The following MGA variants were observed in gnomAD, a reference collection of about 807,000 sequenced individuals.
MGA encodes the protein MAX dimerization protein MGA.
Under a neutral mutation model 261.1 loss-of-function variants are expected in MGA, and 40 were observed. The observed-to-expected ratio is 0.15, with a 90% CI of 0.12 to 0.20. The LOEUF (loss-of-function observed/expected upper bound fraction) is 0.20, where lower values mean the gene tolerates loss of function less well. Ranked by LOEUF, MGA falls within the 10% of genes least tolerant of loss-of-function variation. The pLI, the probability that MGA is intolerant of heterozygous loss-of-function variation, is 1.00. For missense variants in MGA, 3,397 were observed against 3,630.5 expected (o/e 0.94, Z 1.65); for synonymous variants, 1,302 against 1,290.6 (o/e 1.01, Z -0.19).
At chr15:41,662,008 AGCG>A (rs1218898517) in intron 1 of MGA, among the ~76,000 whole-genome samples, 1 of 151,718 alleles carries the variant, frequency 6.6e-6, no homozygotes, top group African/African-American at 2.4e-5. Flanking sequence ...GCAGTTGAAA[AGCG>A]GCGGTTTGTG....
intron 1 of MGA, among the ~76,000 whole-genome samples, chr15:41,648,533 G>A (rs2056978100): frequency 6.6e-6 from 1 of 152,176 alleles, no homozygotes; most frequent in Non-Finnish European, 1.5e-5. Context: ...AGGGAGTAGG[G>A]ATAGCATTGC....
chr15:41,749,888 G>A lies in MGA; in HGVS notation c.6281G>A (p.Ser2094Asn). ...GTTAGGACCATTTCTGAAAAAGCCA[G>A]TAATAAGACAGTCCAAAATTTAAGT... is the stretch of plus-strand genomic sequence containing the variant. The change falls in exon 17 of 24, where the codon AGT becomes AAT. Residue 2094 changes from serine (S) to asparagine (N), a missense_variant. This residue lies in a region of MGA where 1,410 missense variants were observed against 1,386.4 expected (regional missense o/e 1.02). Coordinates refer to ENST00000219905, the MANE Select transcript of MGA (RefSeq NM_001164273.2). 6.2e-7 allele frequency: 1 copy of A among 1,613,956 alleles called. No individual in the cohort carries two copies. Among genetic ancestry groups the A allele is most frequent in the Non-Finnish European group, 8.5e-7 (1 of 1,179,896 alleles).
chr15:41,624,770 C>T (rs2056405055), intron 1 of MGA, among the ~76,000 whole-genome samples: 1 of 152,066 alleles, frequency 6.6e-6, no homozygotes, highest in Non-Finnish European at 1.5e-5. Context: ...GCTCCTGGCC[C>T]AAATTAAATA....
At chr15:41,648,323 T>A (rs1009583775) in intron 1 of MGA, among the ~76,000 whole-genome samples, 4 of 152,268 alleles carry the variant, frequency 2.6e-5, no homozygotes, top group African/African-American at 9.6e-5. Context: ...CCTCTCTGTT[T>A]AATCTTTAAC....
chr15:41,700,615 T>C (rs1055912755), intron 5 of MGA, among the ~76,000 whole-genome samples: 13 of 152,208 alleles, frequency 8.5e-5, no homozygotes, highest in African/African-American at 2.2e-4. Context: ...TTTATCTTTA[T>C]TTTATTGTAA....
Position 41,766,134 on chromosome 15 carries a change from G to A in MGA, c.8052G>A (p.Leu2684=), listed in dbSNP as rs2063786698. The A allele has an allele frequency of 6.2e-6, 10 of 1,614,028 alleles. No individual in the cohort carries two copies. The highest frequency in any genetic ancestry group is 8.5e-6 in the Non-Finnish European group (10 of 1,179,890). Residue 2684 remains leucine (L), a synonymous_variant, in exon 24 of 24, where the codon CTG becomes CTA. Transcript: ENST00000219905. ...CTGATAGCAAGCCATCTGACCATCT[G>A]AAAGACACCGTCAGGAATGAAGATA...
Position 41,748,922 on chromosome 15 carries a change from A to G in MGA, c.5498A>G (p.Asn1833Ser). Reference sequence around the variant, plus strand: ...AACTTACAGCCTGTCATGTTTCGGAACCCAGGTATAAAGTTCTTTTTTATG... The same window carrying G: ...AACTTACAGCCTGTCATGTTTCGGAGCCCAGGTATAAAGTTCTTTTTTATG... The change falls in exon 16 of 24, where the codon AAC (asparagine) becomes AGC (serine). Residue 1833 changes from asparagine to serine, a missense_variant. By Grantham distance (46) the Asn-to-Ser change is conservative (BLOSUM62 1). Around this residue, in one of 9 missense-constraint regions of MGA, gnomAD observed 1,410 missense variants for 1,386.4 expected, o/e 1.02. Coordinates refer to ENST00000219905, the MANE Select transcript of MGA (RefSeq NM_001164273.2). The G allele has an allele frequency of 6.2e-7, 1 of 1,613,334 alleles. No individual in the cohort carries two copies. The highest frequency in any genetic ancestry group is 8.5e-7 in the Non-Finnish European group (1 of 1,179,614).
At chr15:41,706,285 T>C (rs533922446) in intron 5 of MGA, among the ~76,000 whole-genome samples, 10 of 150,412 alleles carry the variant, frequency 6.6e-5, no homozygotes, top group South Asian at 6.3e-4. Context: ...AATAAAGATA[T>C]GTTAAAGAAC....
chr15:41,647,653 C>A (rs1282816485), intron 1 of MGA, among the ~76,000 whole-genome samples: 1 of 152,098 alleles, frequency 6.6e-6, no homozygotes, highest in South Asian at 2.1e-4. Flanking sequence ...AATGTCTGTT[C>A]TGACCATAAC....
chr15:41,768,804 TG>T lies in MGA; in HGVS notation c.*1526del, dbSNP rs1279739597. On this transcript the variant is annotated 3_prime_UTR_variant, in exon 24 of 24. Coordinates refer to ENST00000219905, the MANE Select transcript of MGA (RefSeq NM_001164273.2). The stretch of plus-strand genomic sequence containing the variant: ...CTAGGTTGTAAGACCAACTTTGGAT[TG>T]GATCTAGCCAGTGAATTATTATTTC... 1 of 152,318 alleles carries T rather than the reference TG, an allele frequency of 6.6e-6. No homozygotes were observed. Among genetic ancestry groups the T allele is most frequent in the Non-Finnish European group, 1.5e-5 (1 of 68,032 alleles). 9.4% of individuals were successfully genotyped at this position (152,318 alleles called of 1,614,324 possible).
intron 5 of MGA, among the ~76,000 whole-genome samples, chr15:41,706,326 C>CT (rs879582074): frequency 0.056 from 7,791 of 138,674 alleles, 440 homozygotes; most frequent in African/African-American, 0.14. Context: ...AAATAGCTGT[C>CT]TTTTTTTTTT....
At chr15:41,757,054 T>C (rs12591285) in intron 18 of MGA, among the ~76,000 whole-genome samples, 1 of 152,034 alleles carries the variant, frequency 6.6e-6, no homozygotes. Flanking sequence ...TGGTTACTTT[T>C]GAGAAGGAAG....
intron 1 of MGA, among the ~76,000 whole-genome samples, chr15:41,663,018 T>C (rs2057509651): frequency 6.6e-6 from 1 of 152,224 alleles, no homozygotes; most frequent in Admixed American, 6.5e-5. Flanking sequence ...CATTAATCAT[T>C]GAATTAGGAA....
intron 14 of MGA, among the ~76,000 whole-genome samples, 165 bp from the exon 15 acceptor site, chr15:41,742,381 C>G (rs923809970): frequency 6.6e-6 from 1 of 151,774 alleles, no homozygotes; most frequent in Non-Finnish European, 1.5e-5. Flanking sequence ...AAGAAAGAAA[C>G]TCCATCTTAA....
chr15:41,703,375 C>CCT (rs1555419108), intron 5 of MGA, among the ~76,000 whole-genome samples: 4 of 140,630 alleles, frequency 2.8e-5, no homozygotes, highest in South Asian at 2.6e-4. Flanking sequence ...GTTACCCCCC[C>CCT]CCCCACTCCC....
intron 5 of MGA, among the ~76,000 whole-genome samples, chr15:41,699,695 T>G (rs2059735598): frequency 6.6e-6 from 1 of 152,086 alleles, no homozygotes; most frequent in Non-Finnish European, 1.5e-5. Context: ...GTAGAGACGG[T>G]TTCACCGTGT....
chr15:41,715,882 T>C (rs1341956251), intron 9 of MGA, among the ~76,000 whole-genome samples: 2 of 152,164 alleles, frequency 1.3e-5, no homozygotes, highest in African/African-American at 4.8e-5. Context: ...TTTACTCCCT[T>C]CTTATGCTTA....
intron 22 of MGA, 51 bp downstream of exon 22, chr15:41,762,413 T>C (rs530261017): frequency 1.5e-6 from 2 of 1,319,492 alleles, no homozygotes; most frequent in East Asian, 2.4e-5. Context: ...ATCAGTTGAC[T>C]TTAGTGGACT....
At position 41,668,935 on chromosome 15, in the gene MGA, G is replaced by T; in HGVS notation, c.41G>T (p.Gly14Val). The change falls in exon 2 of 24, where the codon GGT (glycine) becomes GTT (valine). Residue 14 changes from glycine to valine, a missense_variant. Transcript: ENST00000219905. ...CAGATTATATTGGCTAATCAAGATG[G>T]TGGAACAGTGGCAGGAGCAGCACCT... is the stretch of plus-strand genomic sequence containing the variant. 1 of 1,600,210 alleles carries T rather than the reference G, an allele frequency of 6.2e-7. No homozygotes were observed. Among genetic ancestry groups the T allele is most frequent in the Non-Finnish European group, 8.5e-7 (1 of 1,169,854 alleles).
Sources: allele counts gnomAD v4.1 joint callset (sites outside exome capture counted in the v4.1 genomes callset), GRCh38; gene constraint gnomAD v4.1.1; regional missense constraint gnomAD v4.1.1; transcripts MANE v1.5; gene names NCBI Gene and HGNC (gene_info 2026-07-23, HGNC 2026-07-21).